The following CMYA5 variants were observed in gnomAD, a reference collection of about 807,000 sequenced individuals.
CMYA5 encodes cardiomyopathy-associated protein 5.
Under a neutral mutation model 318.9 loss-of-function variants are expected in CMYA5, and 246 were observed. The observed-to-expected ratio is 0.77, with a 90% CI of 0.70 to 0.86. The LOEUF (loss-of-function observed/expected upper bound fraction) is 0.86. Among genes scored for constraint, CMYA5 ranks in the 40% least tolerant of loss-of-function variants. The probability of loss-of-function intolerance (pLI) is 0.00; values close to 1 mark genes in which losing one functional copy is unlikely to be tolerated. For synonymous variants in CMYA5, 1,641 were observed against 1,729.5 expected (o/e 0.95, Z 1.27); for missense variants, 4,589 against 4,678.2 (o/e 0.98, Z 0.56).
chr5:79,793,351 C>G, intron 11 of CMYA5, 86 bp from the exon 12 acceptor site: 1 of 1,327,852 alleles, frequency 7.5e-7, no homozygotes, highest in Non-Finnish European at 1.1e-6. Context: ...CCTGCCTAAA[C>G]TGTGTGAGTT....
At chr5:79,767,620 A>C (rs259108) in intron 9 of CMYA5, among the ~76,000 whole-genome samples, 20,082 of 152,182 alleles carry the variant, frequency 0.13, 1,349 homozygotes, top group African/African-American at 0.16. Context: ...GTTTTGAGTG[A>C]ATTTCTTAAT....
At chr5:79,792,888 G>A (rs1005803239) in intron 11 of CMYA5, among the ~76,000 whole-genome samples, 4 of 152,318 alleles carry the variant, frequency 2.6e-5, no homozygotes, top group African/African-American at 4.8e-5. Flanking sequence ...ACTGTTGACC[G>A]CTAATTATAC....
At chr5:79,789,160 C>G in intron 10 of CMYA5, 56 bp downstream of exon 10, 1 of 1,595,542 alleles carries the variant, frequency 6.3e-7, no homozygotes, top group Non-Finnish European at 8.6e-7. Flanking sequence ...TCCCTTCCAC[C>G]CCTCAGAGAA....
intron 1 of CMYA5, among the ~76,000 whole-genome samples, chr5:79,708,157 C>G (rs1308724876): frequency 2.6e-5 from 4 of 152,154 alleles, no homozygotes. Context: ...GTAATGAAGC[C>G]AGGATTTAAA....
chr5:79,761,800 T>A lies in CMYA5; in HGVS notation c.11261-11T>A, dbSNP rs200353087. 4.4e-6 allele frequency: 7 copies of A among 1,608,700 alleles called. No homozygotes were observed. The African/African-American group carries it at 9.4e-5, about 22-fold the overall frequency. On this transcript the variant is annotated splice_polypyrimidine_tract_variant and intron_variant, in intron 7 of 12. Coordinates refer to ENST00000446378, the MANE Select transcript of CMYA5 (RefSeq NM_153610.5). ...GAAGATGTCTTCGATTTTAATTGTG[T>A]CTTATGCTAGAGTTGGTAGAAGAAT...
In CMYA5 at chr5:79,736,227, A is replaced by G. The variant is rs199578574; in HGVS notation, c.7462A>G (p.Ser2488Gly). ...TGTGGCCCCATTAGAGCTTAGAGAT[A>G]GTAATGAAATAGGGAAGACACAAAT... ...NSVAPLELRDSNEIGKTQITL... is the reference protein window; with the variant it reads ...NSVAPLELRDGNEIGKTQITL... Residue 2488 changes from serine to glycine, a missense_variant, in exon 2 of 13, where the codon AGT becomes GGT. Physicochemically the swap from Ser to Gly is moderately conservative, Grantham distance 56. Coordinates refer to ENST00000446378, the MANE Select transcript of CMYA5 (RefSeq NM_153610.5). 113 of 1,613,568 alleles carry G rather than the reference A, an allele frequency of 7.0e-5. 2 individuals carry two copies. In the African/African-American group the frequency reaches 1.4e-3, roughly 20 times the overall value.
Position 79,736,620 on chromosome 5 carries a change from C to A in CMYA5, c.7855C>A (p.Pro2619Thr), listed in dbSNP as rs1433827812. The change falls in exon 2 of 13, where the codon CCA (proline) becomes ACA (threonine). Residue 2619 changes from proline to threonine, a missense_variant. Physicochemically the swap from Pro to Thr is conservative, Grantham distance 38 (BLOSUM62 -1). Around this residue, in one of 3 missense-constraint regions of CMYA5, gnomAD observed 2,431 missense variants for 2,495.1 expected, o/e 0.97. Transcript: ENST00000446378. ...AGAAGCAAAGGCAGTAGGAACCCAA[C>A]CACATCCTTTAGAAGAAAGTAAAGT... ...IREAKAVGTQ[P>T]HPLEESKVLV... is the part of the protein sequence containing the mutation. The A allele has an allele frequency of 1.2e-6, 2 of 1,613,698 alleles. No homozygotes were observed. The highest frequency in any genetic ancestry group is 2.7e-5 in the African/African-American group (2 of 74,896).
At position 79,735,461 on chromosome 5, in the gene CMYA5, A is replaced by G. The variant is rs1828036334; in HGVS notation, c.6696A>G (p.Lys2232=). The G allele has an allele frequency of 6.2e-7, 1 of 1,613,546 alleles. No homozygotes were observed. The highest frequency in any genetic ancestry group is 1.3e-5 in the African/African-American group (1 of 74,906). Residue 2232 remains lysine, a synonymous_variant, in exon 2 of 13, where the codon AAA becomes AAG. Coordinates refer to ENST00000446378, the MANE Select transcript of CMYA5 (RefSeq NM_153610.5). ...TIPTNFNVAE[K]PADHSLSEVK... ...CCACCAATTTTAATGTAGCTGAGAA[A>G]CCAGCTGATCATTCATTATCAGAGG...
intron 2 of CMYA5, among the ~76,000 whole-genome samples, chr5:79,742,407 G>C (rs1828234573): frequency 6.6e-6 from 1 of 152,026 alleles, no homozygotes; most frequent in Non-Finnish European, 1.5e-5. Context: ...GTCTGGTCTC[G>C]AAGTCCTGGC....
At position 79,769,694 on chromosome 5, in the gene CMYA5, C is replaced by T. The variant is rs541959015; in HGVS notation, c.11555+6485C>T. 2.1e-3 allele frequency among the ~76,000 whole-genome samples: 319 copies of T among 152,212 alleles called. 3 individuals carry two copies. Among genetic ancestry groups the T allele is most frequent in the African/African-American group, 7.1e-3 (295 of 41,546 alleles). Reference sequence around the variant, plus strand: ...GGAAGCTTCATCCCATAGAGGCACCCGCCAGATGCCAGCTGGAGTTCTCTC... The same window carrying T: ...GGAAGCTTCATCCCATAGAGGCACCTGCCAGATGCCAGCTGGAGTTCTCTC... On this transcript the variant is annotated intron_variant, in intron 9 of 12. Transcript: ENST00000446378.
rs199952708 is a variant in CMYA5 at position 79,737,003 on chromosome 5, G to T, written c.8238G>T (p.Val2746=). 2.9e-5 allele frequency: 47 copies of T among 1,596,884 alleles called. No homozygotes were observed. In the South Asian group the frequency reaches 4.0e-4, roughly 14 times the overall value. ...NHSLSQEGNL[V]LEKSSRDMPD... is the part of the protein sequence containing the mutation. Reference sequence around the variant, plus strand: ...CTTTGTCTCAGGAAGGAAATCTAGTGTTAGAAAAGTCAAGCAGAGATATGC... The same window carrying T: ...CTTTGTCTCAGGAAGGAAATCTAGTTTTAGAAAAGTCAAGCAGAGATATGC... Residue 2746 remains valine (V), a synonymous_variant, in exon 2 of 13, where the codon GTG becomes GTT. Coordinates refer to ENST00000446378, the MANE Select transcript of CMYA5 (RefSeq NM_153610.5).
At position 79,738,776 on chromosome 5, in the gene CMYA5, T is replaced by C; in HGVS notation, c.10011T>C (p.Ser3337=). The change falls in exon 2 of 13, where the codon AGT becomes AGC. Residue 3337 remains serine, a synonymous_variant. Coordinates refer to ENST00000446378, the MANE Select transcript of CMYA5 (RefSeq NM_153610.5). ...EDVRVATQKI[S]YAVPFEDTHH... ...TCAGAGTGGCTACCCAGAAAATAAG[T>C]TATGCGGTTCCATTTGAAGACACCC... 6.2e-7 allele frequency: 1 copy of C among 1,613,850 alleles called. No individual in the cohort carries two copies. The highest frequency in any genetic ancestry group is 8.5e-7 in the Non-Finnish European group (1 of 1,179,848).
chr5:79,724,800 C>G (rs764573492), intron 1 of CMYA5, among the ~76,000 whole-genome samples: 5 of 152,196 alleles, frequency 3.3e-5, no homozygotes, highest in Admixed American at 6.5e-5. Flanking sequence ...CATGCTAATA[C>G]TGTATAATCA....
At chr5:79,757,194 CA>C (rs35929144) in intron 6 of CMYA5, among the ~76,000 whole-genome samples, 1,592 of 84,430 alleles carry the variant, frequency 0.019, 8 homozygotes, top group Non-Finnish European at 0.026. Flanking sequence ...GACTCCATCT[CA>C]AAAAAAAAAA....
chr5:79,759,353 C>T (rs1342792837), intron 7 of CMYA5, among the ~76,000 whole-genome samples: 1 of 152,314 alleles, frequency 6.6e-6, no homozygotes, highest in Non-Finnish European at 1.5e-5. Flanking sequence ...GCAAATGAAG[C>T]ATGGGATGTC....
At chr5:79,723,468 AAGG>A (rs1164494167) in intron 1 of CMYA5, among the ~76,000 whole-genome samples, 2 of 151,076 alleles carry the variant, frequency 1.3e-5, no homozygotes, top group East Asian at 1.9e-4. Flanking sequence ...AAGAAAAGAA[AAGG>A]AGATTACAGG....
chr5:79,792,353 T>G (rs1337416316), intron 11 of CMYA5, among the ~76,000 whole-genome samples: 2 of 152,214 alleles, frequency 1.3e-5, no homozygotes, highest in African/African-American at 4.8e-5. Context: ...AGAAATAGAT[T>G]GAGCTTTTCT....
At chr5:79,748,369 C>T (rs1007916150) in intron 5 of CMYA5, among the ~76,000 whole-genome samples, 3 of 152,168 alleles carry the variant, frequency 2.0e-5, no homozygotes, top group Admixed American at 6.5e-5. Context: ...TTTGGTCCCA[C>T]CCCAGATCCA....
chr5:79,743,102 C>T (rs1208373208), intron 2 of CMYA5, among the ~76,000 whole-genome samples: 1 of 152,156 alleles, frequency 6.6e-6, no homozygotes, highest in East Asian at 1.9e-4. Flanking sequence ...CCTGAAGAGG[C>T]CTCCATCAAT....
Sources: allele counts gnomAD v4.1 joint callset (sites outside exome capture counted in the v4.1 genomes callset), GRCh38; gene constraint gnomAD v4.1.1; regional missense constraint gnomAD v4.1.1; transcripts MANE v1.5; gene names NCBI Gene and HGNC (gene_info 2026-07-23, HGNC 2026-07-21).